Variants in CRY1 observed in about 807,000 individuals in gnomAD.
CRY1 encodes cryptochrome-1.
Under a neutral mutation model 76.0 loss-of-function variants are expected in CRY1, and 45 were observed. The observed-to-expected ratio is 0.59, with a 90% CI of 0.47 to 0.76. The LOEUF is 0.76. Among genes scored for constraint, CRY1 ranks in the 30% least tolerant of loss-of-function variants. The probability of loss-of-function intolerance (pLI) is 0.00; values close to 1 mark genes in which losing one functional copy is unlikely to be tolerated. For synonymous variants in CRY1, 248 were observed against 244.0 expected, an observed-to-expected ratio of 1.02 and a Z score of -0.15; for missense variants, 587 against 716.4, an observed-to-expected ratio of 0.82 and a Z score of 2.06.
chr12:107,060,058 GAAC>G (rs1953028882), intron 1 of CRY1, among the ~76,000 whole-genome samples: 1 of 152,114 alleles, frequency 6.6e-6, no homozygotes, highest in African/African-American at 2.4e-5. Flanking sequence ...TAACATAAAA[GAAC>G]AAAATATTGA....
intron 1 of CRY1, among the ~76,000 whole-genome samples, chr12:107,045,557 G>A (rs1172492666): frequency 2.0e-5 from 3 of 152,218 alleles, no homozygotes; most frequent in Admixed American, 2.0e-4. Context: ...TTTTATACAT[G>A]AAGTCCTTGC....
chr12:107,055,071 G>A lies in CRY1; in HGVS notation c.159-32879C>T, dbSNP rs533581772. Reference sequence around the variant, plus strand: ...CTAATGGAAAAACAAAGAATATCCCGTCTAATAACAATGAAGACAGCAGTA... The same window carrying A: ...CTAATGGAAAAACAAAGAATATCCCATCTAATAACAATGAAGACAGCAGTA... On this transcript the variant is annotated intron_variant, in intron 1 of 12. Transcript: ENST00000008527. Among the ~76,000 whole-genome samples the A allele has an allele frequency of 5.3e-5, 8 of 151,930 alleles. No homozygotes were observed. The East Asian group carries it at 5.8e-4, about 11-fold the overall frequency.
chr12:107,005,934 T>C (rs1952369199), intron 2 of CRY1, among the ~76,000 whole-genome samples: 1 of 152,210 alleles, frequency 6.6e-6, no homozygotes, highest in Admixed American at 6.5e-5. Context: ...AATTGATTTT[T>C]CTTAAGGAGA....
In CRY1 at chr12:107,093,066, G is replaced by A; in HGVS notation, c.-105C>T. ...GAGAATTGCCTCACCCGGGGCGTGA[G>A]GAAAGGGCGGCAGAGGGGGAACAGG... On this transcript the variant is annotated 5_prime_UTR_variant, in exon 1 of 13. Transcript: ENST00000008527. The A allele has an allele frequency of 7.5e-7, 1 of 1,332,898 alleles. No individual in the cohort carries two copies. Among genetic ancestry groups the A allele is most frequent in the Non-Finnish European group, 9.9e-7 (1 of 1,013,914 alleles). 82.6% of individuals were successfully genotyped at this position (1,332,898 alleles called of 1,614,324 possible). A position where few individuals can be genotyped will look rare whatever the true frequency, so the allele number is the denominator to read the frequency against.
chr12:106,999,990 A>C lies in CRY1; in HGVS notation c.777T>G (p.Cys259Trp), dbSNP rs762637840. 8 of 1,613,008 alleles carry C rather than the reference A, an allele frequency of 5.0e-6. No homozygotes were observed. Among genetic ancestry groups the C allele is most frequent in the African/African-American group, 1.3e-5 (1 of 74,882 alleles). The part of the protein sequence containing the change: ...TGLSPYLRFG[C>W]LSCRLFYFKL... ...TGAAGTAAAACAGTCGACATGACAA[A>C]CAACCAAATCGGAGATAAGGACTAA... The change falls in exon 6 of 13, where the codon TGT becomes TGG. Residue 259 changes from cysteine (C) to tryptophan (W), a missense_variant. Coordinates refer to ENST00000008527, the MANE Select transcript of CRY1 (RefSeq NM_004075.5).
chr12:107,067,916 A>C (rs1030434289), intron 1 of CRY1, among the ~76,000 whole-genome samples: 2 of 152,220 alleles, frequency 1.3e-5, no homozygotes, highest in Non-Finnish European at 2.9e-5. Context: ...TCAGTAGAGA[A>C]CAAGATCCAA....
At chr12:107,013,970 T>C (rs2136836770) in intron 2 of CRY1, among the ~76,000 whole-genome samples, 1 of 152,366 alleles carries the variant, frequency 6.6e-6, no homozygotes, top group Middle Eastern at 3.4e-3. Flanking sequence ...TGGATGGTAC[T>C]GCTCTAAGGT....
chr12:107,042,214 A>G (rs139753544), intron 1 of CRY1, among the ~76,000 whole-genome samples: 206 of 152,348 alleles, frequency 1.4e-3, no homozygotes, highest in African/African-American at 4.6e-3. Flanking sequence ...GGATGAATGA[A>G]GGGAATAGAA....
chr12:107,004,056 C>G (rs138856063), intron 3 of CRY1, among the ~76,000 whole-genome samples: 1 of 152,070 alleles, frequency 6.6e-6, no homozygotes, highest in Non-Finnish European at 1.5e-5. Context: ...CCATCTGCCT[C>G]GGCCTCCCAA....
intron 1 of CRY1, among the ~76,000 whole-genome samples, chr12:107,034,046 T>A (rs1952706340): frequency 6.6e-6 from 1 of 151,610 alleles, no homozygotes; most frequent in Non-Finnish European, 1.5e-5. Context: ...GCGTTCTTAG[T>A]CACAGGGTGA....
At chr12:107,068,711 T>C (rs1953142185) in intron 1 of CRY1, among the ~76,000 whole-genome samples, 1 of 152,176 alleles carries the variant, frequency 6.6e-6, no homozygotes, top group South Asian at 2.1e-4. Context: ...ATGAAAACCC[T>C]GTACTGATTA....
At chr12:107,064,060 T>C (rs12304097) in intron 1 of CRY1, among the ~76,000 whole-genome samples, 2,382 of 152,130 alleles carry the variant, frequency 0.016, 63 homozygotes, top group African/African-American at 0.054. Context: ...CCTGAATGGA[T>C]TGACTCAAAA....
chr12:107,031,474 T>C (rs1593514062), intron 1 of CRY1, among the ~76,000 whole-genome samples: 1 of 152,046 alleles, frequency 6.6e-6, no homozygotes, highest in African/African-American at 2.4e-5. Context: ...CTAGCCAGTT[T>C]GGGATGAAAG....
At chr12:107,031,107 AAACT>A (rs1251200051) in intron 1 of CRY1, among the ~76,000 whole-genome samples, 2 of 152,278 alleles carry the variant, frequency 1.3e-5, no homozygotes, top group Non-Finnish European at 2.9e-5. Context: ...AATAACTAAC[AAACT>A]GAGAAACAAC....
intron 2 of CRY1, among the ~76,000 whole-genome samples, chr12:107,021,761 G>A (rs1042035132): frequency 6.6e-6 from 1 of 151,632 alleles, no homozygotes; most frequent in African/African-American, 2.4e-5. Context: ...AAAAATTCTT[G>A]TTTATGCAAA....
At chr12:107,088,809 C>A (rs1269452190) in intron 1 of CRY1, among the ~76,000 whole-genome samples, 1 of 152,202 alleles carries the variant, frequency 6.6e-6, no homozygotes, top group Non-Finnish European at 1.5e-5. Context: ...TCATCCCAGA[C>A]AAGCACAGAG....
chr12:107,037,200 G>C (rs890011494), intron 1 of CRY1, among the ~76,000 whole-genome samples: 1 of 152,144 alleles, frequency 6.6e-6, no homozygotes, highest in Non-Finnish European at 1.5e-5. Context: ...GGGACCTCAT[G>C]ACTGTTTGAG....
chr12:107,028,408 T>C (rs1308867037), intron 1 of CRY1, among the ~76,000 whole-genome samples: 2 of 152,160 alleles, frequency 1.3e-5, no homozygotes, highest in African/African-American at 4.8e-5. Context: ...AGATGAAATA[T>C]ATATTTTAAA....
At chr12:107,082,855 T>C (rs1442448688) in intron 1 of CRY1, among the ~76,000 whole-genome samples, 3 of 151,716 alleles carry the variant, frequency 2.0e-5, no homozygotes, top group African/African-American at 7.3e-5. Flanking sequence ...GGAGCAAAAC[T>C]GAAGGAGACA....
Sources: gnomAD v4.1 joint callset for allele counts (sites outside exome capture counted in the v4.1 genomes callset) on GRCh38, gnomAD v4.1.1 for gene constraint, MANE v1.5 for transcripts, NCBI Gene and HGNC (gene_info 2026-07-23, HGNC 2026-07-21) for gene names.